The following GLYATL3 variants were observed in gnomAD, a reference collection of about 807,000 sequenced individuals.
The protein encoded by GLYATL3 is glycine N-acyltransferase-like protein 3.
Under a neutral mutation model 28.5 loss-of-function variants are expected in GLYATL3, and 31 were observed. The ratio of observed to expected loss-of-function variants is 1.09; its 90% CI spans 0.82 to 1.47. GLYATL3 has a LOEUF of 1.47. Ranked by LOEUF, GLYATL3 falls within the 40% of genes most tolerant of loss-of-function variation. The pLI is 0.00. For synonymous variants in GLYATL3, 141 were observed against 140.2 expected, an observed-to-expected ratio of 1.01 and a Z score of -0.04; for missense variants, 369 against 351.5, an observed-to-expected ratio of 1.05 and a Z score of -0.40.
intron 5 of GLYATL3, among the ~76,000 whole-genome samples, chr6:49,522,046 T>C (rs917918561): frequency 6.6e-6 from 1 of 152,184 alleles, no homozygotes; most frequent in African/African-American, 2.4e-5. Flanking sequence ...ATAGTATCCA[T>C]GGAAAAAGCA....
chr6:49,505,414 G>C (rs985617474), intron 1 of GLYATL3, among the ~76,000 whole-genome samples: 2 of 152,152 alleles, frequency 1.3e-5, no homozygotes, highest in Non-Finnish European at 2.9e-5. Context: ...AAACAACTCG[G>C]CTTTTTGAGC....
At chr6:49,521,600 TCAAC>T (rs1177495455) in intron 4 of GLYATL3, 41 bp from the exon 5 acceptor site, 2 of 1,508,294 alleles carry the variant, frequency 1.3e-6, no homozygotes, top group African/African-American at 1.4e-5. Flanking sequence ...TTTTGCTTTT[TCAAC>T]TAAAATGCCC....
At chr6:49,506,282 C>T (rs563873146) in intron 1 of GLYATL3, among the ~76,000 whole-genome samples, 8 of 152,080 alleles carry the variant, frequency 5.3e-5, no homozygotes, top group Non-Finnish European at 1.2e-4. Context: ...ATTAATTCAT[C>T]TTTAGTGGGG....
intron 1 of GLYATL3, 123 bp downstream of exon 1, chr6:49,500,165 T>A (rs185567555): frequency 2.6e-5 from 4 of 152,084 alleles, no homozygotes; most frequent in Admixed American, 6.6e-5. Context: ...TGTAATTAGG[T>A]TTCAAGGAAA....
intron 1 of GLYATL3, 40 bp from the exon 2 acceptor site, chr6:49,511,923 C>A: frequency 2.6e-6 from 2 of 765,166 alleles, no homozygotes; most frequent in South Asian, 3.8e-5. Flanking sequence ...CAAATATTAA[C>A]AGGCAAAAAT....
In GLYATL3 at chr6:49,527,296, C is replaced by A. The variant is rs1292606155; in HGVS notation, c.*382C>A. Among the ~76,000 whole-genome samples, 2 of 152,174 alleles carry A rather than the reference C, an allele frequency of 1.3e-5. No homozygotes were observed. The highest frequency in any genetic ancestry group is 2.4e-5 in the African/African-American group (1 of 41,436). On this transcript the variant is annotated 3_prime_UTR_variant, in exon 6 of 6. Coordinates refer to ENST00000371197, the MANE Select transcript of GLYATL3 (RefSeq NM_001010904.2). ...GCTGCTTGGACCTCTGCTCTGTATT[C>A]TTAAAGCCACACCGCTTCCCTACTG...
chr6:49,515,565 T>C, intron 2 of GLYATL3, 88 bp from the exon 3 acceptor site: 1 of 736,818 alleles, frequency 1.4e-6, no homozygotes, highest in South Asian at 1.6e-5. Context: ...TGGACATGAT[T>C]ACACAGTAGA....
chr6:49,511,119 A>T (rs980877596), intron 1 of GLYATL3, among the ~76,000 whole-genome samples: 1 of 152,204 alleles, frequency 6.6e-6, no homozygotes. Context: ...CCTGTCTGCC[A>T]GATGTAAGTT....
intron 4 of GLYATL3, among the ~76,000 whole-genome samples, chr6:49,517,942 C>T (rs898484245): frequency 6.6e-6 from 1 of 152,094 alleles, no homozygotes; most frequent in African/African-American, 2.4e-5. Flanking sequence ...TAGGTCTTAG[C>T]CAATAGGTAG....
At chr6:49,520,966 T>C (rs907681203) in intron 4 of GLYATL3, among the ~76,000 whole-genome samples, 1 of 152,182 alleles carries the variant, frequency 6.6e-6, no homozygotes, top group Non-Finnish European at 1.5e-5. Context: ...TAGTAAGCTA[T>C]GATCATTCCA....
intron 1 of GLYATL3, among the ~76,000 whole-genome samples, chr6:49,504,809 A>G (rs1768982027): frequency 6.6e-6 from 1 of 152,186 alleles, no homozygotes; most frequent in African/African-American, 2.4e-5. Context: ...ATAACCGCAA[A>G]ACATGAAAAC....
intron 5 of GLYATL3, among the ~76,000 whole-genome samples, chr6:49,525,560 C>CAAAAAAAAAAAAAAAAAAA (rs56711143): frequency 3.0e-5 from 2 of 66,594 alleles, no homozygotes; most frequent in African/African-American, 1.3e-4. Flanking sequence ...GCAAGGCTCT[C>CAAAAAAAAAAAAAAAAAAA]AAAAAAAAAA....
intron 1 of GLYATL3, 149 bp downstream of exon 1, chr6:49,500,191 G>A (rs1768887741): frequency 6.6e-6 from 1 of 152,020 alleles, no homozygotes; most frequent in South Asian, 2.1e-4. Flanking sequence ...ATTTTGTTTT[G>A]TTTCTTGGCG....
chr6:49,526,527 C>G lies in GLYATL3; in HGVS notation c.480C>G (p.Ala160=), dbSNP rs752812014. The change falls in exon 6 of 6, where the codon GCC becomes GCG. Residue 160 remains alanine, a synonymous_variant. Coordinates refer to ENST00000371197, the MANE Select transcript of GLYATL3 (RefSeq NM_001010904.2). ...PSPRLTYLSV[A]NADLLNRTWS... ...CACGACTAACCTACCTGAGTGTTGC[C>G]AATGCGGATCTACTCAACCGGACTT... The G allele has an allele frequency of 7.7e-6, 12 of 1,551,702 alleles. No individual in the cohort carries two copies. The highest frequency in any genetic ancestry group is 8.7e-6 in the Non-Finnish European group (10 of 1,146,980).
chr6:49,501,224 AC>A (rs1272328372), intron 1 of GLYATL3, among the ~76,000 whole-genome samples: 1 of 150,926 alleles, frequency 6.6e-6, no homozygotes, highest in Non-Finnish European at 1.5e-5. Flanking sequence ...ACATGGTGAA[AC>A]CCCCCATCTC....
At chr6:49,513,135 G>GA (rs1234149235) in intron 2 of GLYATL3, among the ~76,000 whole-genome samples, 9 of 152,098 alleles carry the variant, frequency 5.9e-5, no homozygotes, top group African/African-American at 2.2e-4. Context: ...ACCTTTACAG[G>GA]ATAATAAAAG....
chr6:49,527,556 G>A lies in GLYATL3; in HGVS notation c.*642G>A, dbSNP rs1769444865. ...GGGCAGGTTGCAACACACATCACTA[G>A]GCCTCTCCTTCTACGAGGTAGGGCC... On this transcript the variant is annotated 3_prime_UTR_variant, in exon 6 of 6. Transcript: ENST00000371197. 6.6e-6 allele frequency among the ~76,000 whole-genome samples: 1 copy of A among 152,086 alleles called. No homozygotes were observed. The highest frequency in any genetic ancestry group is 1.5e-5 in the Non-Finnish European group (1 of 68,022).
chr6:49,525,611 T>C (rs891246543), intron 5 of GLYATL3, among the ~76,000 whole-genome samples: 17 of 143,850 alleles, frequency 1.2e-4, no homozygotes, highest in Non-Finnish European at 2.1e-4. Context: ...CAACGTTTAT[T>C]TGAGCAAAGA....
At chr6:49,521,951 G>A (rs187750656) in intron 5 of GLYATL3, among the ~76,000 whole-genome samples, 180 bp downstream of exon 5, 90 of 152,142 alleles carry the variant, frequency 5.9e-4, no homozygotes, top group African/African-American at 2.2e-3. Context: ...CCTCTCTCCT[G>A]TGCTTGACTG....
Sources: gnomAD v4.1 joint callset for allele counts (sites outside exome capture counted in the v4.1 genomes callset) on GRCh38, gnomAD v4.1.1 for gene constraint, MANE v1.5 for transcripts, NCBI Gene and HGNC (gene_info 2026-07-23, HGNC 2026-07-21) for gene names.